AKT3: variants seen among roughly 807,000 people sequenced by gnomAD.
The protein encoded by AKT3 is RAC-gamma serine/threonine-protein kinase.
Under a neutral mutation model 65.3 loss-of-function variants are expected in AKT3, and 15 were observed. The ratio of observed to expected loss-of-function variants is 0.23; its 90% CI spans 0.15 to 0.35. The LOEUF (loss-of-function observed/expected upper bound fraction) is 0.35, where lower values mean the gene tolerates loss of function less well. Among genes scored for constraint, AKT3 ranks in the 10% least tolerant of loss-of-function variants. The pLI is 1.00. For missense variants in AKT3, 243 were observed against 576.5 expected (o/e 0.42, Z 5.92); for synonymous variants, 206 against 183.8 (o/e 1.12, Z -0.98).
intron 6 of AKT3, among the ~76,000 whole-genome samples, chr1:243,636,301 AT>A (rs1343166803): frequency 6.6e-6 from 1 of 152,098 alleles, no homozygotes; most frequent in East Asian, 1.9e-4. Context: ...GGCATGTACT[AT>A]TATATTTATC....
chr1:243,801,539 T>C (rs1692382231), intron 2 of AKT3, among the ~76,000 whole-genome samples: 2 of 152,154 alleles, frequency 1.3e-5, no homozygotes, highest in African/African-American at 2.4e-5. Context: ...AAAAGTATAA[T>C]AGCACAAAGA....
Position 243,545,577 on chromosome 1 carries a change from T to A in AKT3, c.1184A>T (p.Asp395Val). Residue 395 changes from aspartate to valine, a missense_variant, in exon 12 of 14, where the codon GAT becomes GTT. Around this residue, in one of 6 missense-constraint regions of AKT3, gnomAD observed 57 missense variants for 107.6 expected, o/e 0.53. Coordinates refer to ENST00000673466, the MANE Select transcript of AKT3 (RefSeq NM_005465.7). Reference sequence around the variant, plus strand: ...ACTGTGTCTCATAATTTCTTTTGCATCATCTGGTCCTCCACCAAGGCTATG... The same window carrying A: ...ACTGTGTCTCATAATTTCTTTTGCAACATCTGGTCCTCCACCAAGGCTATG... ...PNKRLGGGPD[D>V]AKEIMRHSFF... The A allele has an allele frequency of 6.2e-7, 1 of 1,612,476 alleles. No homozygotes were observed. The highest frequency in any genetic ancestry group is 1.1e-5 in the South Asian group (1 of 91,004).
At chr1:243,775,923 T>A (rs1327130905) in intron 2 of AKT3, among the ~76,000 whole-genome samples, 1 of 152,124 alleles carries the variant, frequency 6.6e-6, no homozygotes, top group Non-Finnish European at 1.5e-5. Flanking sequence ...AAAAACAAAT[T>A]AAAGGACTGC....
intron 3 of AKT3, among the ~76,000 whole-genome samples, chr1:243,688,039 G>A (rs1401257922): frequency 6.6e-6 from 1 of 151,706 alleles, no homozygotes; most frequent in Non-Finnish European, 1.5e-5. Flanking sequence ...CTAAGGTGAT[G>A]GATTTATCAA....
At chr1:243,659,693 AAT>A (rs1682126199) in intron 4 of AKT3, among the ~76,000 whole-genome samples, 1 of 152,214 alleles carries the variant, frequency 6.6e-6, no homozygotes. Flanking sequence ...TTGAGAAAAA[AAT>A]AGAGTCCACC....
chr1:243,765,346 A>G (rs1207549999), intron 2 of AKT3, among the ~76,000 whole-genome samples: 1 of 152,134 alleles, frequency 6.6e-6, no homozygotes, highest in Non-Finnish European at 1.5e-5. Context: ...GGAAAAGAAA[A>G]AAAAATACTA....
intron 2 of AKT3, among the ~76,000 whole-genome samples, chr1:243,756,807 G>A (rs1689168749): frequency 6.6e-6 from 1 of 152,166 alleles, no homozygotes; most frequent in Non-Finnish European, 1.5e-5. Context: ...TACCTCTACA[G>A]TGGAGAAAAC....
intron 2 of AKT3, among the ~76,000 whole-genome samples, chr1:243,710,496 A>G (rs955921696): frequency 2.0e-5 from 3 of 152,180 alleles, no homozygotes; most frequent in Non-Finnish European, 4.4e-5. Context: ...TTAAACCAAA[A>G]TAGAAGTTCT....
chr1:243,821,960 A>G (rs1339409119), intron 2 of AKT3, among the ~76,000 whole-genome samples: 1 of 152,180 alleles, frequency 6.6e-6, no homozygotes, highest in Non-Finnish European at 1.5e-5. Flanking sequence ...CTCTCCACCC[A>G]AAGACAACAG....
chr1:243,748,531 A>G (rs576627924), intron 2 of AKT3, among the ~76,000 whole-genome samples: 16 of 152,322 alleles, frequency 1.1e-4, no homozygotes, highest in African/African-American at 3.8e-4. Flanking sequence ...ACCAGAACCA[A>G]TTCAGCAGAT....
chr1:243,638,752 TTC>T (rs1476607224), intron 5 of AKT3, among the ~76,000 whole-genome samples: 4 of 152,094 alleles, frequency 2.6e-5, no homozygotes, highest in Non-Finnish European at 5.9e-5. Flanking sequence ...AACTTTTTTT[TTC>T]TGTTTATCAT....
chr1:243,798,465 C>T lies in AKT3; in HGVS notation c.46+44660G>A, dbSNP rs145097622. Reference sequence around the variant, plus strand: ...CTATGTTACAGGCTGGTCTCAAACTCCTGGGCTCAAGCAATCTGCCTGCCT... The same window carrying T: ...CTATGTTACAGGCTGGTCTCAAACTTCTGGGCTCAAGCAATCTGCCTGCCT... On this transcript the variant is annotated intron_variant, in intron 2 of 13. Transcript: ENST00000673466. 5.5e-3 allele frequency among the ~76,000 whole-genome samples: 723 copies of T among 132,458 alleles called. 9 individuals are homozygous for T. The highest frequency in any genetic ancestry group is 0.02 in the African/African-American group (683 of 34,876). The allele number at this position is 132,458 out of a possible 152,430, so 86.9% of individuals were successfully genotyped here. A position where few individuals can be genotyped will look rare whatever the true frequency, so the allele number is the denominator to read the frequency against.
chr1:243,682,690 G>A (rs1684006687), intron 3 of AKT3, among the ~76,000 whole-genome samples: 1 of 152,098 alleles, frequency 6.6e-6, no homozygotes, highest in Admixed American at 6.6e-5. Flanking sequence ...ACCATCTGGA[G>A]CTTTCATTCA....
At chr1:243,751,415 G>A (rs1419437458) in intron 2 of AKT3, among the ~76,000 whole-genome samples, 1 of 152,234 alleles carries the variant, frequency 6.6e-6, no homozygotes, top group African/African-American at 2.4e-5. Context: ...ATCCTACAAG[G>A]AATACAGTTG....
At chr1:243,730,051 A>C (rs570800907) in intron 2 of AKT3, among the ~76,000 whole-genome samples, 87 of 152,324 alleles carry the variant, frequency 5.7e-4, no homozygotes, top group African/African-American at 2.0e-3. Context: ...CACAGCATGA[A>C]GCCTGAAAAC....
At chr1:243,542,773 G>A (rs1672406961) in intron 12 of AKT3, among the ~76,000 whole-genome samples, 1 of 152,124 alleles carries the variant, frequency 6.6e-6, no homozygotes, top group Admixed American at 6.5e-5. Context: ...ATGTTCATCT[G>A]TGATATGATA....
chr1:243,622,252 A>G (rs1678812297), intron 6 of AKT3, among the ~76,000 whole-genome samples: 1 of 151,914 alleles, frequency 6.6e-6, no homozygotes, highest in East Asian at 1.9e-4. Context: ...CAAAATATCT[A>G]AAGGACTTGC....
intron 3 of AKT3, among the ~76,000 whole-genome samples, chr1:243,693,732 T>C (rs1345216467): frequency 6.6e-6 from 1 of 152,188 alleles, no homozygotes; most frequent in Admixed American, 6.5e-5. Flanking sequence ...AGACTCATTC[T>C]TTCCTCACAT....
exon 14 of AKT3, chr1:243,488,307 T>C (rs915886958): frequency 2.0e-5 from 3 of 152,598 alleles, no homozygotes; most frequent in Admixed American, 6.5e-5. Flanking sequence ...ACGTGCCTGC[T>C]GGTGCTTTTG....
Sources: gnomAD v4.1 joint callset for allele counts (sites outside exome capture counted in the v4.1 genomes callset) on GRCh38, gnomAD v4.1.1 for gene constraint, gnomAD v4.1.1 regional missense constraint, MANE v1.5 for transcripts, NCBI Gene and HGNC (gene_info 2026-07-23, HGNC 2026-07-21) for gene names.